Variants in CBLB observed in about 807,000 individuals in gnomAD.
CBLB encodes the protein Cbl proto-oncogene B.
CBLB carries 31 observed loss-of-function variants against 104.9 expected under a neutral mutation model. That is an observed-to-expected ratio of 0.30 (90% CI 0.22 to 0.40). CBLB has a LOEUF of 0.40. Ranked by LOEUF, CBLB falls within the 10% of genes least tolerant of loss-of-function variation. CBLB has a pLI of 1.00. For missense variants in CBLB, 1,062 were observed against 1,214.6 expected (o/e 0.87, Z 1.87); for synonymous variants, 440 against 422.6 (o/e 1.04, Z -0.51).
chr3:105,683,283 G>T (rs542782554), intron 14 of CBLB, among the ~76,000 whole-genome samples: 1 of 152,280 alleles, frequency 6.6e-6, no homozygotes, highest in African/African-American at 2.4e-5. Flanking sequence ...CACAGGGAAA[G>T]AAAGTGTTAA....
intron 9 of CBLB, among the ~76,000 whole-genome samples, chr3:105,721,079 A>C (rs1000481965): frequency 2.4e-4 from 36 of 152,274 alleles, no homozygotes; most frequent in African/African-American, 8.4e-4. Flanking sequence ...TGCTTTCTAG[A>C]GATAAGATGG....
Position 105,693,500 on chromosome 3 carries a change from C to T in CBLB, c.2048G>A (p.Ser683Asn). ...CAAATTCAACAAAACTCACTTTATG[C>T]TAGGGAGGAGGGTGGTAACTGGAGG... ...PPPPVTTLLP[S>N]IKCTGPLANS... The change falls in exon 13 of 19, where the codon AGC becomes AAC. Residue 683 changes from serine (S) to asparagine (N), a missense_variant. Around this residue, in one of 2 missense-constraint regions of CBLB, gnomAD observed 605 missense variants for 582.6 expected, o/e 1.04. Transcript: ENST00000394030. 6.2e-7 allele frequency: 1 copy of T among 1,605,224 alleles called. No homozygotes were observed. The highest frequency in any genetic ancestry group is 2.2e-5 in the East Asian group (1 of 44,778).
intron 8 of CBLB, among the ~76,000 whole-genome samples, chr3:105,734,742 T>C (rs1198506462): frequency 1.3e-5 from 2 of 152,234 alleles, no homozygotes; most frequent in African/African-American, 4.8e-5. Flanking sequence ...TCAGTTTAAC[T>C]TGTTTGCTTC....
chr3:105,743,136 C>G (rs1440250250), intron 6 of CBLB, among the ~76,000 whole-genome samples: 3 of 152,098 alleles, frequency 2.0e-5, no homozygotes, highest in Non-Finnish European at 4.4e-5. Flanking sequence ...TTTTTAGCAC[C>G]TTGCTCTCTT....
At chr3:105,723,680 T>G (rs144255620) in intron 9 of CBLB, among the ~76,000 whole-genome samples, 1 of 152,234 alleles carries the variant, frequency 6.6e-6, no homozygotes, top group Non-Finnish European at 1.5e-5. Flanking sequence ...CAAATGAATA[T>G]TGTTAGTACC....
At chr3:105,763,093 C>A (rs1244248163) in intron 4 of CBLB, among the ~76,000 whole-genome samples, 2 of 152,076 alleles carry the variant, frequency 1.3e-5, no homozygotes, top group South Asian at 2.1e-4. Flanking sequence ...GCCTGTAGAC[C>A]CTTTGTTTTG....
chr3:105,669,766 T>C (rs1002450380), intron 18 of CBLB, among the ~76,000 whole-genome samples: 1 of 152,150 alleles, frequency 6.6e-6, no homozygotes, highest in Non-Finnish European at 1.5e-5. Context: ...TTAACGGTTG[T>C]GAGTATGACT....
intron 10 of CBLB, among the ~76,000 whole-genome samples, chr3:105,710,443 A>G (rs576371362): frequency 3.2e-4 from 49 of 152,086 alleles, no homozygotes; most frequent in African/African-American, 1.2e-3. Flanking sequence ...GTAACTGCAA[A>G]AGTTGGGAAA....
intron 13 of CBLB, among the ~76,000 whole-genome samples, chr3:105,687,550 G>T (rs1326163446): frequency 7.9e-5 from 12 of 151,912 alleles, no homozygotes. Context: ...ACAGATTTTA[G>T]AGAATTATAT....
At chr3:105,755,608 C>A (rs1474402097) in intron 4 of CBLB, among the ~76,000 whole-genome samples, 8 of 151,846 alleles carry the variant, frequency 5.3e-5, no homozygotes, top group Admixed American at 3.3e-4. Flanking sequence ...TTTCATACAA[C>A]AAAGGGTGAA....
At chr3:105,828,636 TA>T (rs1241196812) in intron 3 of CBLB, among the ~76,000 whole-genome samples, 1 of 152,116 alleles carries the variant, frequency 6.6e-6, no homozygotes, top group Non-Finnish European at 1.5e-5. Context: ...AGAAAAGAAA[TA>T]AATATGCACT....
At position 105,658,258 on chromosome 3, in the gene CBLB, G is replaced by A. The variant is rs2063475832; in HGVS notation, c.*712C>T. ...TACAAAACTTAAACAAAAAAGGGAAGCTCCTCTATGTTATGTGAAAACCCC... is the reference window on the plus strand; with the variant it reads ...TACAAAACTTAAACAAAAAAGGGAAACTCCTCTATGTTATGTGAAAACCCC... On this transcript the variant is annotated 3_prime_UTR_variant, in exon 19 of 19. Transcript: ENST00000394030. 9.1e-6 allele frequency: 2 copies of A among 218,954 alleles called. No individual in the cohort carries two copies. Among genetic ancestry groups the A allele is most frequent in the Middle Eastern group, 1.5e-3 (1 of 682 alleles). 13.6% of individuals were successfully genotyped at this position (218,954 alleles called of 1,614,324 possible). A position where few individuals can be genotyped will look rare whatever the true frequency, so the allele number is the denominator to read the frequency against.
At chr3:105,860,028 G>A (rs1402837400) in intron 2 of CBLB, among the ~76,000 whole-genome samples, 3 of 152,170 alleles carry the variant, frequency 2.0e-5, no homozygotes, top group Admixed American at 6.5e-5. Flanking sequence ...TCAGAAGATT[G>A]ACATTAAGAA....
rs2152736186 is a variant in CBLB at position 105,684,693 on chromosome 3, C to T, written c.2201+627G>A. Among the ~76,000 whole-genome samples, 3 of 152,156 alleles carry T rather than the reference C, an allele frequency of 2.0e-5. No individual in the cohort carries two copies. In the Middle Eastern group the frequency reaches 0.01, roughly 518 times the overall value. On this transcript the variant is annotated intron_variant, in intron 14 of 18. Transcript: ENST00000394030. ...TCAGCCTCCTGAGTAGCTGGGATTA[C>T]AGGCGCCCACCACCACACCCGGCTC... is the stretch of plus-strand genomic sequence containing the variant.
In CBLB at chr3:105,847,076, G is replaced by T. The variant is rs1269209326; in HGVS notation, c.419+6338C>A. On this transcript the variant is annotated intron_variant, in intron 3 of 18. Transcript: ENST00000394030. ...TTGTTGTTGCTCTTGTTATTATTGTGGCTGCTGTTGCTTTTGATTCAACTT... is the reference window on the plus strand; with the variant it reads ...TTGTTGTTGCTCTTGTTATTATTGTTGCTGCTGTTGCTTTTGATTCAACTT... Among the ~76,000 whole-genome samples the T allele has an allele frequency of 3.3e-5, 5 of 151,954 alleles. No homozygotes were observed. The South Asian group carries it at 8.3e-4, about 25-fold the overall frequency.
chr3:105,787,834 C>T (rs2081199576), intron 3 of CBLB, among the ~76,000 whole-genome samples: 1 of 151,894 alleles, frequency 6.6e-6, no homozygotes, highest in South Asian at 2.1e-4. Context: ...CTTTTTTTAA[C>T]AATGAAAACT....
chr3:105,725,327 G>A (rs2073449702), intron 9 of CBLB, among the ~76,000 whole-genome samples: 1 of 152,046 alleles, frequency 6.6e-6, no homozygotes, highest in Non-Finnish European at 1.5e-5. Context: ...AGAATGAGCT[G>A]GTCATTTAGA....
At chr3:105,863,941 A>AT (rs2092276620) in intron 2 of CBLB, among the ~76,000 whole-genome samples, 1 of 152,126 alleles carries the variant, frequency 6.6e-6, no homozygotes, top group African/African-American at 2.4e-5. Context: ...TGTTTCTTCT[A>AT]TTTTCCATCA....
At chr3:105,838,690 G>A (rs76253692) in intron 3 of CBLB, among the ~76,000 whole-genome samples, 479 of 132,088 alleles carry the variant, frequency 3.6e-3, no homozygotes, top group Middle Eastern at 9.3e-3. Flanking sequence ...TTTTTCTGTC[G>A]CCAGGCTGGA....
Sources: allele counts gnomAD v4.1 joint callset (sites outside exome capture counted in the v4.1 genomes callset), GRCh38; gene constraint gnomAD v4.1.1; regional missense constraint gnomAD v4.1.1; transcripts MANE v1.5; gene names NCBI Gene and HGNC (gene_info 2026-07-23, HGNC 2026-07-21).